WDR33: variants seen among roughly 807,000 people sequenced by gnomAD.
WDR33 encodes pre-mRNA 3' end processing protein WDR33.
A neutral mutation model predicts 164.9 loss-of-function variants in WDR33; 47 were observed. The ratio of observed to expected loss-of-function variants is 0.29; its 90% CI spans 0.23 to 0.36. WDR33 has a LOEUF of 0.36. Among genes scored for constraint, WDR33 ranks in the 10% least tolerant of loss-of-function variants. WDR33 has a pLI of 1.00. For synonymous variants in WDR33, 505 were observed against 589.0 expected (o/e 0.86, Z 2.06); for missense variants, 1,137 against 1,754.1 (o/e 0.65, Z 6.28).
At chr2:127,754,401 C>T (rs1000944476) in intron 7 of WDR33, among the ~76,000 whole-genome samples, 1 of 152,104 alleles carries the variant, frequency 6.6e-6, no homozygotes, top group Admixed American at 6.5e-5. Flanking sequence ...CAATAGCTCA[C>T]ACAACAGTCC....
chr2:127,711,807 C>G, intron 18 of WDR33, among the ~76,000 whole-genome samples: 1 of 109,254 alleles, frequency 9.2e-6, no homozygotes, highest in Non-Finnish European at 1.8e-5. Flanking sequence ...GAGTCTCGCC[C>G]TGTCACCCAG....
intron 7 of WDR33, among the ~76,000 whole-genome samples, chr2:127,743,139 G>T (rs1370159887): frequency 1.3e-5 from 2 of 152,000 alleles, no homozygotes; most frequent in Admixed American, 6.6e-5. Flanking sequence ...AATGTTTGAG[G>T]ATTTTCAACT....
chr2:127,750,898 TGATTTA>T (rs1687340191), intron 7 of WDR33, among the ~76,000 whole-genome samples: 1 of 151,218 alleles, frequency 6.6e-6, no homozygotes, highest in Admixed American at 6.6e-5. Flanking sequence ...TTACAGTAAT[TGATTTA>T]ATGATTCACC....
At position 127,703,507 on chromosome 2, in the gene WDR33, C is replaced by T; in HGVS notation, c.*2816G>A. The T allele has an allele frequency of 6.0e-6, 1 of 167,140 alleles. No homozygotes were observed. Among genetic ancestry groups the T allele is most frequent in the East Asian group, 1.9e-4 (1 of 5,204 alleles). 10.4% of individuals were successfully genotyped at this position (167,140 alleles called of 1,614,324 possible). A position where few individuals can be genotyped will look rare whatever the true frequency, so the allele number is the denominator to read the frequency against. ...CCTAAGTAAGTCAGGTCCCTAAGCC[C>T]CGTCCCAAGAAGTGACACAAGTGGC... is the stretch of plus-strand genomic sequence containing the variant. On this transcript the variant is annotated 3_prime_UTR_variant, in exon 22 of 22. Coordinates refer to ENST00000322313, the MANE Select transcript of WDR33 (RefSeq NM_018383.5).
At chr2:127,783,069 C>T (rs1312686953) in intron 1 of WDR33, among the ~76,000 whole-genome samples, 3 of 152,078 alleles carry the variant, frequency 2.0e-5, no homozygotes, top group African/African-American at 7.2e-5. Context: ...TATGCAAATG[C>T]TACACCATTT....
intron 1 of WDR33, among the ~76,000 whole-genome samples, chr2:127,800,470 T>TA (rs545917647): frequency 1.5e-3 from 223 of 151,896 alleles, no homozygotes; most frequent in African/African-American, 5.1e-3. Context: ...CCGTCTCTGT[T>TA]AAAAAAATTC....
chr2:127,724,551 C>G lies in WDR33; in HGVS notation c.1086-108G>C. 1.0e-6 allele frequency: 1 copy of G among 969,324 alleles called. No individual in the cohort carries two copies. Among genetic ancestry groups the G allele is most frequent in the Non-Finnish European group, 1.6e-6 (1 of 629,154 alleles). The allele number at this position is 969,324 out of a possible 1,614,324, so 60.0% of individuals were successfully genotyped here. A position where few individuals can be genotyped will look rare whatever the true frequency, so the allele number is the denominator to read the frequency against. Reference sequence around the variant, plus strand: ...ACTCTTAAAATGAAGCTACCAAAGCCTGGACTTGGACTCTGGTGAATTCCA... The same window carrying G: ...ACTCTTAAAATGAAGCTACCAAAGCGTGGACTTGGACTCTGGTGAATTCCA... On this transcript the variant is annotated intron_variant, in intron 10 of 21. Coordinates refer to ENST00000322313, the MANE Select transcript of WDR33 (RefSeq NM_018383.5). This position sits in a 1 kb window ranked among gnomAD's most constrained non-coding sequence, Gnocchi z 4.8.
At chr2:127,796,263 A>G (rs1487668434) in intron 1 of WDR33, among the ~76,000 whole-genome samples, 1 of 151,782 alleles carries the variant, frequency 6.6e-6, no homozygotes, top group Non-Finnish European at 1.5e-5. Context: ...TTTTAGAGAC[A>G]GGGTTTCAAC....
intron 1 of WDR33, among the ~76,000 whole-genome samples, chr2:127,789,589 G>C (rs1688771286): frequency 1.3e-5 from 2 of 150,962 alleles, no homozygotes; most frequent in Admixed American, 1.3e-4. Context: ...CACTCGGCAG[G>C]CTGAGGCAGG....
chr2:127,808,013 G>A (rs1689498793), intron 1 of WDR33, among the ~76,000 whole-genome samples: 1 of 152,162 alleles, frequency 6.6e-6, no homozygotes, highest in Non-Finnish European at 1.5e-5. Flanking sequence ...AAGTAGTGGA[G>A]AAGGTATAGT....
At chr2:127,809,031 CAAA>C (rs11305287) in intron 1 of WDR33, among the ~76,000 whole-genome samples, 13 of 84,916 alleles carry the variant, frequency 1.5e-4, no homozygotes, top group African/African-American at 1.4e-4. Flanking sequence ...ACTCTTGTCT[CAAA>C]AAAAAAAAAA....
Position 127,701,574 on chromosome 2 carries a change from A to G in WDR33, c.*4749T>C. On this transcript the variant is annotated 3_prime_UTR_variant, in exon 22 of 22. Transcript: ENST00000322313. ...GCTGCAGGAGTACCTGGCGCAGGGGAAAGCTGGCGGCCCGGCGGCCGCGGA... is the reference window on the plus strand; with the variant it reads ...GCTGCAGGAGTACCTGGCGCAGGGGGAAGCTGGCGGCCCGGCGGCCGCGGA... 7.4e-7 allele frequency: 1 copy of G among 1,351,194 alleles called. No homozygotes were observed. 83.7% of individuals were successfully genotyped at this position (1,351,194 alleles called of 1,614,324 possible).
At chr2:127,762,456 A>G in intron 7 of WDR33, 1 of 942,442 alleles carries the variant, frequency 1.1e-6, no homozygotes, top group Non-Finnish European at 1.3e-6. Flanking sequence ...CTAATGCATA[A>G]TCTAAAATAA....
chr2:127,764,752 T>A lies in WDR33; in HGVS notation c.626+76A>T, dbSNP rs767338336. 2.5e-6 allele frequency: 4 copies of A among 1,614,192 alleles called. No individual in the cohort carries two copies. Among genetic ancestry groups the A allele is most frequent in the Non-Finnish European group, 3.4e-6 (4 of 1,180,022 alleles). On this transcript the variant is annotated intron_variant, in intron 6 of 21. Coordinates refer to ENST00000322313, the MANE Select transcript of WDR33 (RefSeq NM_018383.5). This position sits in a 1 kb window ranked among gnomAD's most constrained non-coding sequence, Gnocchi z 6.2. Reference sequence around the variant, plus strand: ...GAAACTGACAGAGCCCATGCATCTCTGCACCCAGAATACACTTAGAGAATA... The same window carrying A: ...GAAACTGACAGAGCCCATGCATCTCAGCACCCAGAATACACTTAGAGAATA...
intron 7 of WDR33, among the ~76,000 whole-genome samples, chr2:127,733,445 C>T (rs1254618868): frequency 1.3e-5 from 2 of 152,202 alleles, no homozygotes; most frequent in Non-Finnish European, 2.9e-5. Flanking sequence ...AAAATTAAGA[C>T]ATTCCAGTTG....
chr2:127,773,931 AT>A (rs1042599192), intron 1 of WDR33, among the ~76,000 whole-genome samples: 1 of 149,814 alleles, frequency 6.7e-6, no homozygotes, highest in Non-Finnish European at 1.5e-5. Context: ...TGCCCAGGTA[AT>A]TTTTTTTGTA....
chr2:127,735,225 C>T lies in WDR33; in HGVS notation c.725-8448G>A, dbSNP rs543220196. On this transcript the variant is annotated intron_variant, in intron 7 of 21. Coordinates refer to ENST00000322313, the MANE Select transcript of WDR33 (RefSeq NM_018383.5). The surrounding 1 kb of genome is among the most constrained non-coding windows in gnomAD (Gnocchi z 4.3). ...TGGCTTCTGTGAAACTGGATGTAAA[C>T]TTTGTGCCCTGTGCATTTTTCTCAG... Among the ~76,000 whole-genome samples the T allele has an allele frequency of 1.3e-5, 2 of 151,542 alleles. No homozygotes were observed. The highest frequency in any genetic ancestry group is 3.9e-4 in the East Asian group (2 of 5,168).
At position 127,725,107 on chromosome 2, in the gene WDR33, T is replaced by C. The variant is rs769650625; in HGVS notation, c.960A>G (p.Leu320=). ...CTCGGAAGACTTGAAGCTCTTCTTT[T>C]AGGTTTCTGATATCAAAAAGTTTAC... The part of the protein sequence containing the change: ...HLCKLFDIRN[L]KEELQVFRGH... Residue 320 remains leucine, a synonymous_variant, in exon 9 of 22, where the codon CTA becomes CTG. Coordinates refer to ENST00000322313, the MANE Select transcript of WDR33 (RefSeq NM_018383.5). 8 of 1,613,744 alleles carry C rather than the reference T, an allele frequency of 5.0e-6. No homozygotes were observed. The highest frequency in any genetic ancestry group is 5.9e-6 in the Non-Finnish European group (7 of 1,179,930).
intron 1 of WDR33, 58 bp from the exon 2 acceptor site, chr2:127,771,062 A>C: frequency 1.6e-6 from 2 of 1,288,436 alleles, no homozygotes; most frequent in Non-Finnish European, 2.2e-6. Flanking sequence ...ACTGCCTGAA[A>C]ACATTTTTAA....
Sources: gnomAD v4.1 joint callset for allele counts (sites outside exome capture counted in the v4.1 genomes callset) on GRCh38, gnomAD v4.1.1 for gene constraint, Gnocchi (gnomAD v3.1) non-coding constraint, MANE v1.5 for transcripts, NCBI Gene and HGNC (gene_info 2026-07-23, HGNC 2026-07-21) for gene names.